The following APOBEC1 variants were observed in gnomAD, a reference collection of about 807,000 sequenced individuals.
APOBEC1 encodes C->U-editing enzyme APOBEC-1.
A neutral mutation model predicts 26.3 loss-of-function variants in APOBEC1; 22 were observed. That is an observed-to-expected ratio of 0.84 (90% CI 0.60 to 1.19). The LOEUF (loss-of-function observed/expected upper bound fraction) is 1.19. Among genes scored for constraint, APOBEC1 ranks in the 50% most tolerant of loss-of-function variants. The pLI is 0.00. For synonymous variants in APOBEC1, 77 were observed against 95.3 expected (o/e 0.81, Z 1.12); for missense variants, 253 against 289.0 (o/e 0.88, Z 0.90).
intron 1 of APOBEC1, among the ~76,000 whole-genome samples, chr12:7,660,378 A>AGGAAGGAAAGAAAG (rs1257234032): frequency 9.9e-6 from 1 of 100,800 alleles, no homozygotes; most frequent in Non-Finnish European, 2.1e-5. Context: ...GAAGGAAGGA[A>AGGAAGGAAAGAAAG]AGAAAGAAAG....
chr12:7,650,945 G>T, intron 4 of APOBEC1, 78 bp downstream of exon 4: 3 of 1,038,860 alleles, frequency 2.9e-6, no homozygotes, highest in Non-Finnish European at 4.4e-6. Context: ...GAAGATATGA[G>T]TCAAATTTTC....
upstream of APOBEC1, among the ~76,000 whole-genome samples, chr12:7,668,422 C>T (rs1342314521): frequency 6.6e-6 from 1 of 152,150 alleles, no homozygotes; most frequent in Non-Finnish European, 1.5e-5. Flanking sequence ...GACATGCTCC[C>T]AGGAAGTAAA....
At chr12:7,655,018 G>A (rs1333511599) in intron 1 of APOBEC1, among the ~76,000 whole-genome samples, 1 of 152,104 alleles carries the variant, frequency 6.6e-6, no homozygotes, top group East Asian at 1.9e-4. Context: ...AGACCAGCCT[G>A]GCCAACATGG....
intron 1 of APOBEC1, among the ~76,000 whole-genome samples, chr12:7,662,310 G>A (rs180980573): frequency 1.3e-5 from 2 of 152,014 alleles, no homozygotes; most frequent in Non-Finnish European, 2.9e-5. Flanking sequence ...GGCCGGGTAC[G>A]GTGGATCATG....
intron 2 of APOBEC1, among the ~76,000 whole-genome samples, chr12:7,653,320 T>A (rs927883509): frequency 6.6e-6 from 1 of 152,104 alleles, no homozygotes; most frequent in Non-Finnish European, 1.5e-5. Context: ...TCTGAAGAGG[T>A]CTGTTTGAAT....
upstream of APOBEC1, among the ~76,000 whole-genome samples, chr12:7,666,083 G>A (rs1863889216): frequency 6.6e-6 from 1 of 152,116 alleles, no homozygotes; most frequent in African/African-American, 2.4e-5. Context: ...CTTTAGTGAT[G>A]AGAAAGCCTA....
rs759580157 is a variant in APOBEC1 at position 7,649,638 on chromosome 12, C to T, written c.620G>A (p.Arg207Lys). 1 of 1,613,804 alleles carries T rather than the reference C, an allele frequency of 6.2e-7. No individual in the cohort carries two copies. Among genetic ancestry groups the T allele is most frequent in the Non-Finnish European group, 8.5e-7 (1 of 1,179,834 alleles). Residue 207 changes from arginine (R) to lysine (K), a missense_variant, in exon 5 of 5, where the codon AGA (arginine) becomes AAA (lysine). By Grantham distance (26) the Arg-to-Lys change is conservative. Transcript: ENST00000229304. ...RRWQNHLTFF[R>K]LHLQNCHYQT... ...GTAATGGCAGTTTTGAAGATGAAGT[C>T]TGAAAAATGTAAGATGATTTTGCCA...
At chr12:7,653,653 T>C (rs1863677362) in intron 2 of APOBEC1, among the ~76,000 whole-genome samples, 1 of 152,134 alleles carries the variant, frequency 6.6e-6, no homozygotes. Flanking sequence ...ATTTTACACC[T>C]AGAGGTGCTA....
intron 1 of APOBEC1, among the ~76,000 whole-genome samples, chr12:7,660,701 T>A (rs1432165078): frequency 8.5e-4 from 102 of 120,016 alleles, no homozygotes; most frequent in Middle Eastern, 4.7e-3. Flanking sequence ...AGATTCCATC[T>A]AAAAAAAAAA....
In APOBEC1 at chr12:7,652,802, G is replaced by A. The variant is rs1214528051; in HGVS notation, c.78C>T (p.Phe26=). The change falls in exon 3 of 5, where the codon TTC becomes TTT. Residue 26 remains phenylalanine (F), a synonymous_variant. Coordinates refer to ENST00000229304, the MANE Select transcript of APOBEC1 (RefSeq NM_001644.5). ...RRIEPWEFDV[F]YDPRELRKEA... ...CTTTACGAAGTTCTCTGGGGTCATA[G>A]AAGACGTCAAACTCCCAGGGTTCGA... The A allele has an allele frequency of 3.1e-6, 5 of 1,603,460 alleles. No individual in the cohort carries two copies. Among genetic ancestry groups the A allele is most frequent in the Non-Finnish European group, 4.3e-6 (5 of 1,174,684 alleles).
intron 3 of APOBEC1, among the ~76,000 whole-genome samples, chr12:7,651,442 G>C (rs1244671146): frequency 6.6e-6 from 1 of 151,756 alleles, no homozygotes; most frequent in East Asian, 1.9e-4. Flanking sequence ...GTGAAACCCC[G>C]TCTCTACTAA....
chr12:7,656,957 A>G (rs1170059538), intron 1 of APOBEC1, among the ~76,000 whole-genome samples: 1 of 151,908 alleles, frequency 6.6e-6, no homozygotes, highest in Non-Finnish European at 1.5e-5. Context: ...TCTTATCTCT[A>G]CTATTCGGTT....
rs147558110 is a variant in APOBEC1 at position 7,660,311 on chromosome 12, AAAGG to A, written c.16+5542_16+5545del. ...GAGCAAGACTCTGTCTCAAAAAAAG[AAAGG>A]AAGGAAGGAAGGAAGGAAGGGAAGG... On this transcript the variant is annotated intron_variant, in intron 1 of 4. Coordinates refer to ENST00000229304, the MANE Select transcript of APOBEC1 (RefSeq NM_001644.5). Among the ~76,000 whole-genome samples the A allele has an allele frequency of 9.9e-4, 126 of 126,770 alleles. 3 individuals are homozygous for A. Among genetic ancestry groups the A allele is most frequent in the Non-Finnish European group, 1.6e-3 (94 of 59,644 alleles). 83.2% of individuals were successfully genotyped at this position (126,770 alleles called of 152,430 possible).
At chr12:7,669,955 A>AT (rs1421658006), upstream of APOBEC1, among the ~76,000 whole-genome samples, 1 of 151,688 alleles carries the variant, frequency 6.6e-6, no homozygotes, top group Admixed American at 6.6e-5. Flanking sequence ...ACTTGTTCAA[A>AT]TTTTTTGTCT....
chr12:7,665,961 C>A, upstream of APOBEC1: 1 of 1,377,058 alleles, frequency 7.3e-7, no homozygotes, highest in Non-Finnish European at 1.0e-6. Context: ...CCCACTGCCA[C>A]CTGCTTGGGC....
chr12:7,654,483 T>C (rs2136841625), intron 2 of APOBEC1, 122 bp downstream of exon 2: 1 of 919,914 alleles, frequency 1.1e-6, no homozygotes, highest in East Asian at 2.8e-5. Flanking sequence ...GCGATCCTCC[T>C]ACTCCTGCCT....
chr12:7,658,010 T>A (rs1395812268), intron 1 of APOBEC1, among the ~76,000 whole-genome samples: 4 of 152,182 alleles, frequency 2.6e-5, no homozygotes, highest in Non-Finnish European at 4.4e-5. Context: ...TTTCTTCCAA[T>A]TTCCGAAATA....
chr12:7,658,756 C>G (rs1174908327), intron 1 of APOBEC1, among the ~76,000 whole-genome samples: 1 of 151,644 alleles, frequency 6.6e-6, no homozygotes, highest in Non-Finnish European at 1.5e-5. Context: ...AGTTTGAGAC[C>G]AGCCTGACCA....
intron 1 of APOBEC1, among the ~76,000 whole-genome samples, chr12:7,660,990 G>A (rs1201124797): frequency 2.1e-5 from 3 of 145,988 alleles, no homozygotes; most frequent in Non-Finnish European, 3.0e-5. Context: ...TCAGGAGATC[G>A]AGACCATCCT....
Sources: gnomAD v4.1 joint callset for allele counts (sites outside exome capture counted in the v4.1 genomes callset) on GRCh38, gnomAD v4.1.1 for gene constraint, MANE v1.5 for transcripts, NCBI Gene and HGNC (gene_info 2026-07-23, HGNC 2026-07-21) for gene names.